Variants in NODAL observed in about 807,000 individuals in gnomAD.
NODAL encodes nodal growth differentiation factor.
A neutral mutation model predicts 34.0 loss-of-function variants in NODAL; 12 were observed. That is an observed-to-expected ratio of 0.35 (90% CI 0.23 to 0.57). The LOEUF is 0.57. NODAL is among the 20% of genes least tolerant of loss of function. The pLI, the probability that NODAL is intolerant of heterozygous loss-of-function variation, is 0.83. For missense variants in NODAL, 390 were observed against 444.2 expected (o/e 0.88, Z 1.10); for synonymous variants, 162 against 186.4 (o/e 0.87, Z 1.07).
chr10:70,440,784 C>A (rs990917073), intron 1 of NODAL, among the ~76,000 whole-genome samples: 1 of 152,212 alleles, frequency 6.6e-6, no homozygotes, highest in African/African-American at 2.4e-5. Context: ...TTGACACTTC[C>A]CCGGCGCGGC....
chr10:70,439,246 G>A (rs555609096), intron 1 of NODAL, among the ~76,000 whole-genome samples: 47 of 151,986 alleles, frequency 3.1e-4, no homozygotes, highest in Admixed American at 5.9e-4. Context: ...CTCATGATCC[G>A]ACCACCTCGG....
intron 2 of NODAL, among the ~76,000 whole-genome samples, chr10:70,434,487 C>T (rs182964222): frequency 7.2e-5 from 11 of 152,300 alleles, no homozygotes; most frequent in South Asian, 2.1e-4. Context: ...CTCAGCCTCC[C>T]GAGTAGCTGG....
In NODAL at chr10:70,441,520, C is replaced by G; in HGVS notation, c.148G>C (p.Asp50His). 1 of 1,595,410 alleles carries G rather than the reference C, an allele frequency of 6.3e-7. No individual in the cohort carries two copies. The highest frequency in any genetic ancestry group is 8.5e-7 in the Non-Finnish European group (1 of 1,172,398). ...ATGATGTCTGCCCTCGGCAGCGGGT[C>G]GCGGTAGAGGCTCAGCATGTACGCC... ...PLAYMLSLYR[D>H]PLPRADIIRS... is the part of the protein sequence containing the mutation. Residue 50 changes from aspartate (D) to histidine (H), a missense_variant, in exon 1 of 3, where the codon GAC (aspartate) becomes CAC (histidine). Transcript: ENST00000287139.
rs1845279295 is a variant in NODAL at position 70,432,536 on chromosome 10, A to G, written c.*400T>C. On this transcript the variant is annotated 3_prime_UTR_variant, in exon 3 of 3. Transcript: ENST00000287139. ...ACACACAGACTACTTTGGAGAATACATGAAAGCTATAGGTGACTTCATCCC... is the reference window on the plus strand; with the variant it reads ...ACACACAGACTACTTTGGAGAATACGTGAAAGCTATAGGTGACTTCATCCC... 3.1e-6 allele frequency: 1 copy of G among 326,148 alleles called. No individual in the cohort carries two copies. Among genetic ancestry groups the G allele is most frequent in the Non-Finnish European group, 6.0e-6 (1 of 166,804 alleles). 20.2% of individuals were successfully genotyped at this position (326,148 alleles called of 1,614,324 possible).
intron 1 of NODAL, among the ~76,000 whole-genome samples, chr10:70,438,224 G>A (rs1027566437): frequency 2.0e-5 from 3 of 152,176 alleles, no homozygotes; most frequent in Non-Finnish European, 2.9e-5. Flanking sequence ...AACCCAGGAG[G>A]TGGAGGTTGC....
At chr10:70,441,711 T>C, upstream of NODAL, 1 of 1,540,462 alleles carries the variant, frequency 6.5e-7, no homozygotes, top group Non-Finnish European at 8.8e-7. Context: ...AGCCCTTATA[T>C]CCTGGGCCTC....
In NODAL at chr10:70,433,008, C is replaced by T. The variant is rs143903715; in HGVS notation, c.972G>A (p.Leu324=). ...APVKTKPLSM[L]YVDNGRVLLD... The stretch of plus-strand genomic sequence containing the variant: ...GGAGCACTCTGCCATTATCCACATA[C>T]AGCATGCTCAGCGGCTTGGTCTTCA... The change falls in exon 3 of 3, where the codon CTG becomes CTA. Residue 324 remains leucine (L), a synonymous_variant. Transcript: ENST00000287139. 445 of 1,613,986 alleles carry T rather than the reference C, an allele frequency of 2.8e-4. 1 individual carries two copies. The highest frequency in any genetic ancestry group is 8.2e-4 in the Admixed American group (49 of 59,982).
upstream of NODAL, among the ~76,000 whole-genome samples, chr10:70,446,520 C>T (rs182856701): frequency 2.0e-5 from 3 of 152,192 alleles, no homozygotes; most frequent in East Asian, 3.9e-4. Flanking sequence ...GTATAGTGCA[C>T]GTAGCATTTA....
intron 1 of NODAL, among the ~76,000 whole-genome samples, chr10:70,437,562 G>A (rs1413633248): frequency 1.3e-5 from 2 of 152,170 alleles, no homozygotes; most frequent in African/African-American, 4.8e-5. Context: ...GAAATAAAGA[G>A]GTTTGAAGGT....
At chr10:70,447,919 T>G (rs1845506275) in intron 1 of NODAL, 1 of 471,036 alleles carries the variant, frequency 2.1e-6, no homozygotes, top group Admixed American at 2.3e-5. Flanking sequence ...GTCTCTCGCT[T>G]CTACCTTTAG....
At chr10:70,442,331 T>C (rs1845441935), upstream of NODAL, among the ~76,000 whole-genome samples, 1 of 152,242 alleles carries the variant, frequency 6.6e-6, no homozygotes, top group Admixed American at 6.5e-5. Flanking sequence ...GGGGTGATCC[T>C]GGTTCATCAG....
chr10:70,434,434 C>T (rs965518569), intron 2 of NODAL, among the ~76,000 whole-genome samples: 14 of 152,216 alleles, frequency 9.2e-5, no homozygotes, highest in African/African-American at 3.4e-4. Flanking sequence ...ATGATCTCGG[C>T]TCACTGCAAT....
In NODAL at chr10:70,435,266, C is replaced by G. The variant is rs2231958; in HGVS notation, c.891+20G>C. ...AGGCCAGCTTACTGCCTCCCCTCCC[C>G]CTCACGCCTGGCATCCCACCTGGAT... On this transcript the variant is annotated intron_variant, in intron 2 of 2. Transcript: ENST00000287139. 1.3e-6 allele frequency: 2 copies of G among 1,589,748 alleles called. No homozygotes were observed. Among genetic ancestry groups the G allele is most frequent in the Admixed American group, 1.8e-5 (1 of 56,014 alleles).
Position 70,441,566 on chromosome 10 carries a change from C to T in NODAL, c.102G>A (p.Gln34=). ...ACGCCAGAGGGGATGGCGACGAGGG[C>T]TGCCCCCGCGTACGCAGGAGCGCAG... ...VATALLRTRG[Q]PSSPSPLAYM... Residue 34 remains glutamine (Q), a synonymous_variant, in exon 1 of 3, where the codon CAG becomes CAA. Coordinates refer to ENST00000287139, the MANE Select transcript of NODAL (RefSeq NM_018055.5). 2.5e-6 allele frequency: 4 copies of T among 1,577,226 alleles called. No individual in the cohort carries two copies. The highest frequency in any genetic ancestry group is 3.4e-6 in the Non-Finnish European group (4 of 1,163,314).
chr10:70,438,766 G>C (rs1023892775), intron 1 of NODAL, among the ~76,000 whole-genome samples: 2 of 152,190 alleles, frequency 1.3e-5, no homozygotes, highest in African/African-American at 4.8e-5. Context: ...TGCTGCCAGG[G>C]TGCCCTGGAA....
intron 1 of NODAL, among the ~76,000 whole-genome samples, chr10:70,437,544 G>A (rs1845372216): frequency 6.6e-6 from 1 of 152,182 alleles, no homozygotes; most frequent in African/African-American, 2.4e-5. Flanking sequence ...TTATCACAAG[G>A]ACCCAGAGAA....
upstream of NODAL, among the ~76,000 whole-genome samples, chr10:70,442,758 T>C (rs932725581): frequency 6.6e-6 from 1 of 152,180 alleles, no homozygotes; most frequent in Non-Finnish European, 1.5e-5. Flanking sequence ...TACACCTGAC[T>C]TCTTTCACAG....
chr10:70,435,062 A>G, intron 2 of NODAL: 1 of 564,874 alleles, frequency 1.8e-6, no homozygotes, highest in South Asian at 2.1e-5. Flanking sequence ...CCAGGGAAAC[A>G]ATGTGTTCAA....
chr10:70,446,247 G>A (rs1328497325), upstream of NODAL, among the ~76,000 whole-genome samples: 1 of 152,190 alleles, frequency 6.6e-6, no homozygotes, highest in South Asian at 2.1e-4. Flanking sequence ...TGGGGGCAAA[G>A]TCCCTTGAGG....
Sources: allele counts gnomAD v4.1 joint callset (sites outside exome capture counted in the v4.1 genomes callset), GRCh38; gene constraint gnomAD v4.1.1; transcripts MANE v1.5; gene names NCBI Gene and HGNC (gene_info 2026-07-23, HGNC 2026-07-21).